The following TTI2 variants were observed in gnomAD, a reference collection of about 807,000 sequenced individuals.
TTI2 encodes the protein TELO2-interacting protein 2.
TTI2 carries 26 observed loss-of-function variants against 44.9 expected under a neutral mutation model. That is an observed-to-expected ratio of 0.58 (90% CI 0.42 to 0.80). The LOEUF (loss-of-function observed/expected upper bound fraction) is 0.80, where lower values mean the gene tolerates loss of function less well. TTI2 is among the 30% of genes least tolerant of loss of function. The probability of loss-of-function intolerance (pLI) is 0.00; values close to 1 mark genes in which losing one functional copy is unlikely to be tolerated. For synonymous variants in TTI2, 254 were observed against 250.9 expected (o/e 1.01, Z -0.12); for missense variants, 582 against 611.6 (o/e 0.95, Z 0.51).
chr8:33,504,145 ACATT>A (rs1454978380), intron 4 of TTI2, among the ~76,000 whole-genome samples: 1 of 152,138 alleles, frequency 6.6e-6, no homozygotes, highest in Non-Finnish European at 1.5e-5. Flanking sequence ...TCAAATCAAT[ACATT>A]CTCCTCAGGA....
In TTI2 at chr8:33,512,205, G is replaced by A. The variant is rs767134917; in HGVS notation, c.409C>T (p.Pro137Ser). Residue 137 changes from proline (P) to serine (S), a missense_variant, in exon 2 of 8, where the codon CCT becomes TCT. By Grantham distance (74) the Pro-to-Ser change is moderately conservative. Transcript: ENST00000431156. ...VETAKNSLVGPAWQTGLHHLA... is the reference protein window; with the variant it reads ...VETAKNSLVGSAWQTGLHHLA... ...TGATGCAGGCCCGTCTGCCATGCAG[G>A]GCCGACCAGGGAATTCTTAGCAGTC... 3.7e-6 allele frequency: 6 copies of A among 1,614,132 alleles called. No homozygotes were observed. The Admixed American group carries it at 6.7e-5, about 18-fold the overall frequency.
rs573988918 is a variant in TTI2, at chr8:33,504,184, C to T, written c.928-249G>A. 4.0e-5 allele frequency among the ~76,000 whole-genome samples: 6 copies of T among 150,564 alleles called. No homozygotes were observed. The South Asian group carries it at 6.3e-4, about 16-fold the overall frequency. The stretch of plus-strand genomic sequence containing the variant: ...ACCATTCTTTGCTAATTTATAAAAT[C>T]GGAAAAATGGCAGAGCTGGGACTTT... On this transcript the variant is annotated intron_variant, in intron 4 of 7. Transcript: ENST00000431156.
In TTI2 at chr8:33,507,259, G is replaced by A; in HGVS notation, c.897C>T (p.His299=). 1 of 1,614,180 alleles carries A rather than the reference G, an allele frequency of 6.2e-7. No homozygotes were observed. The highest frequency in any genetic ancestry group is 8.5e-7 in the Non-Finnish European group (1 of 1,180,014). Reference sequence around the variant, plus strand: ...TGAGGTGGTGCTCTGGTGTGTACAGGTGGTTGGAAATGGCATGGTATAGGA... The same window carrying A: ...TGAGGTGGTGCTCTGGTGTGTACAGATGGTTGGAAATGGCATGGTATAGGA... ...AQVLYHAISN[H]LYTPEHHLIQ... Residue 299 remains histidine (H), a synonymous_variant, in exon 4 of 8, where the codon CAC becomes CAT. Transcript: ENST00000431156.
Position 33,504,902 on chromosome 8 carries a change from T to C in TTI2, c.928-967A>G, listed in dbSNP as rs1372671099. ...TTTCCGGCTGTTACAATCTGGATTCTCAATACCCAGTATTTAAAATACTGT... is the reference window on the plus strand; with the variant it reads ...TTTCCGGCTGTTACAATCTGGATTCCCAATACCCAGTATTTAAAATACTGT... On this transcript the variant is annotated intron_variant, in intron 4 of 7. Coordinates refer to ENST00000431156, the MANE Select transcript of TTI2 (RefSeq NM_001102401.4). Among the ~76,000 whole-genome samples, 3 of 152,206 alleles carry C rather than the reference T, an allele frequency of 2.0e-5. No individual in the cohort carries two copies. In the East Asian group the frequency reaches 5.8e-4, roughly 29 times the overall value.
In TTI2 at chr8:33,499,368, A is replaced by G. The variant is rs1027367309; in HGVS notation, c.1423-91T>C. On this transcript the variant is annotated intron_variant, in intron 7 of 7. Coordinates refer to ENST00000431156, the MANE Select transcript of TTI2 (RefSeq NM_001102401.4). ...ATTCTTCTTCCTTGGTATCATATTC[A>G]AAGGAGGAAAGAATGGATGACACTT... 1.8e-5 allele frequency: 17 copies of G among 925,664 alleles called. No individual in the cohort carries two copies. In the Admixed American group the frequency reaches 2.6e-4, roughly 14 times the overall value. 57.3% of individuals were successfully genotyped at this position (925,664 alleles called of 1,614,324 possible).
In TTI2 at chr8:33,513,077, G is replaced by A. The variant is rs1002088952; in HGVS notation, c.-100+5C>T. On this transcript the variant is annotated splice_donor_5th_base_variant and intron_variant, in intron 1 of 7. Coordinates refer to ENST00000431156, the MANE Select transcript of TTI2 (RefSeq NM_001102401.4). ...CATGTCACCAACTTAACCACCCCCA[G>A]GTACCTGCAACGGCTCGCGCCCGCC... 6.9e-5 allele frequency: 11 copies of A among 160,102 alleles called. No individual in the cohort carries two copies. The highest frequency in any genetic ancestry group is 2.7e-4 in the African/African-American group (11 of 41,468). 9.9% of individuals were successfully genotyped at this position (160,102 alleles called of 1,614,324 possible).
intron 4 of TTI2, among the ~76,000 whole-genome samples, chr8:33,504,289 AT>A (rs1169577360): frequency 0.017 from 1,263 of 72,726 alleles, 3 homozygotes; most frequent in African/African-American, 0.059. Flanking sequence ...ATATTTACAC[AT>A]TTTTTTTTTT....
intron 2 of TTI2, among the ~76,000 whole-genome samples, chr8:33,510,771 T>G (rs1199908559): frequency 6.6e-6 from 1 of 152,038 alleles, no homozygotes; most frequent in Non-Finnish European, 1.5e-5. Flanking sequence ...AAACTCAAAA[T>G]CAAGCCTTTT....
chr8:33,499,930 A>T (rs1354348171), intron 7 of TTI2: 1 of 158,762 alleles, frequency 6.3e-6, no homozygotes, highest in African/African-American at 2.4e-5. Flanking sequence ...TGTCCCTAAA[A>T]AACTGGAAAC....
rs755709529 is a variant in TTI2 at position 33,512,310 on chromosome 8, C to T, written c.304G>A (p.Gly102Arg). ...YAAPSKEEEGGGDGHSEAAEK... is the reference protein window; with the variant it reads ...YAAPSKEEEGRGDGHSEAAEK... ...GCCGCTTCGGAGTGCCCATCACCTCCACCTTCCTCCTCCTTGGAGGGGGCT... is the reference window on the plus strand; with the variant it reads ...GCCGCTTCGGAGTGCCCATCACCTCTACCTTCCTCCTCCTTGGAGGGGGCT... Residue 102 changes from glycine (G) to arginine (R), a missense_variant, in exon 2 of 8, where the codon GGA (glycine) becomes AGA (arginine). Coordinates refer to ENST00000431156, the MANE Select transcript of TTI2 (RefSeq NM_001102401.4). 6.8e-6 allele frequency: 11 copies of T among 1,614,226 alleles called. No individual in the cohort carries two copies. The South Asian group carries it at 1.1e-4, about 16-fold the overall frequency.
chr8:33,505,368 C>T (rs116272841), intron 4 of TTI2, among the ~76,000 whole-genome samples: 1 of 152,236 alleles, frequency 6.6e-6, no homozygotes, highest in African/African-American at 2.4e-5. Context: ...TTCTTTCTCC[C>T]TCCTAAGAAA....
At chr8:33,511,825 G>A (rs1809537846) in intron 2 of TTI2, 142 bp downstream of exon 2, 5 of 920,770 alleles carry the variant, frequency 5.4e-6, no homozygotes, top group Non-Finnish European at 8.2e-6. Context: ...GGAGGCGGAG[G>A]TTGCAGTGAG....
chr8:33,511,893 A>G, intron 2 of TTI2, 74 bp downstream of exon 2: 1 of 1,498,172 alleles, frequency 6.7e-7, no homozygotes, highest in Admixed American at 1.8e-5. Flanking sequence ...CTGTCTCGAA[A>G]ATAAATAAAT....
chr8:33,500,322 C>T lies in TTI2; in HGVS notation c.1422+6G>A, dbSNP rs1395034799. ...CCAACTGAAACCAAGTTTCAGTCTGCCTTACCTTTACCCGTCCTTGAGAAC... is the reference window on the plus strand; with the variant it reads ...CCAACTGAAACCAAGTTTCAGTCTGTCTTACCTTTACCCGTCCTTGAGAAC... On this transcript the variant is annotated splice_donor_region_variant and intron_variant, in intron 7 of 7. Coordinates refer to ENST00000431156, the MANE Select transcript of TTI2 (RefSeq NM_001102401.4). 6.2e-7 allele frequency: 1 copy of T among 1,614,002 alleles called. No homozygotes were observed. The highest frequency in any genetic ancestry group is 1.1e-5 in the South Asian group (1 of 91,076).
chr8:33,508,794 T>C (rs1369829285), intron 3 of TTI2, among the ~76,000 whole-genome samples: 2 of 151,948 alleles, frequency 1.3e-5, no homozygotes, highest in Non-Finnish European at 2.9e-5. Context: ...GCTTCCACAT[T>C]TGGATATAGT....
At chr8:33,507,987 TCAAA>T (rs1563354198) in intron 3 of TTI2, among the ~76,000 whole-genome samples, 1 of 54,478 alleles carries the variant, frequency 1.8e-5, no homozygotes, top group African/African-American at 7.5e-5. Flanking sequence ...AGACCCTGTC[TCAAA>T]AAAAAAAAAA....
chr8:33,500,498 C>G lies in TTI2; in HGVS notation c.1260-8G>C, dbSNP rs776929766. On this transcript the variant is annotated splice_polypyrimidine_tract_variant and splice_region_variant and intron_variant, in intron 6 of 7. Coordinates refer to ENST00000431156, the MANE Select transcript of TTI2 (RefSeq NM_001102401.4). ...ACAAGTCTGCAGGAAACTCTGGAAT[C>G]AGGAAGAAAAGCTATGTTCATACTC... The G allele has an allele frequency of 4.3e-5, 69 of 1,613,720 alleles. No homozygotes were observed. In the East Asian group the frequency reaches 1.5e-3, roughly 35 times the overall value.
chr8:33,510,896 A>C (rs533943313), intron 2 of TTI2, among the ~76,000 whole-genome samples: 1 of 152,272 alleles, frequency 6.6e-6, no homozygotes, highest in East Asian at 1.9e-4. Context: ...CAGTAATCTA[A>C]AGGTGCTTTT....
intron 3 of TTI2, among the ~76,000 whole-genome samples, chr8:33,508,087 T>TAAAAAAAAAAAAAAAA (rs58891946): frequency 1.0e-4 from 2 of 19,494 alleles, no homozygotes; most frequent in Non-Finnish European, 1.8e-4. Context: ...CTAGCGGTAG[T>TAAAAAAAAAAAAAAAA]AAAAAAAAAA....
Sources: allele counts gnomAD v4.1 joint callset (sites outside exome capture counted in the v4.1 genomes callset), GRCh38; gene constraint gnomAD v4.1.1; transcripts MANE v1.5; gene names NCBI Gene and HGNC (gene_info 2026-07-23, HGNC 2026-07-21).